USP32: variants seen among roughly 807,000 people sequenced by gnomAD.
USP32 encodes ubiquitin carboxyl-terminal hydrolase 32.
Under a neutral mutation model 204.8 loss-of-function variants are expected in USP32, and 59 were observed. The observed-to-expected ratio is 0.29, with a 90% CI of 0.23 to 0.36. The LOEUF is 0.36. Ranked by LOEUF, USP32 falls within the 10% of genes least tolerant of loss-of-function variation. The pLI is 1.00. For missense variants in USP32, 1,160 were observed against 1,946.4 expected (o/e 0.60, Z 7.60); for synonymous variants, 517 against 678.4 (o/e 0.76, Z 3.70).
At chr17:60,252,133 TTTATC>T (rs1909502323) in intron 11 of USP32, among the ~76,000 whole-genome samples, 1 of 152,116 alleles carries the variant, frequency 6.6e-6, no homozygotes, top group Admixed American at 6.5e-5. Context: ...CTGGCTACCT[TTTATC>T]TCATTTCAAA....
At chr17:60,350,130 A>C (rs1257834204) in intron 1 of USP32, among the ~76,000 whole-genome samples, 2 of 151,300 alleles carry the variant, frequency 1.3e-5, no homozygotes, top group African/African-American at 2.4e-5. Flanking sequence ...CTCCCACCTC[A>C]GCCTCCCAAG....
In USP32 at chr17:60,370,356, T is replaced by G. The variant is rs955747347; in HGVS notation, c.58+21526A>C. ...TTGACACCAATCCAAAAAAAACCAA[T>G]TAAAACAAGCTACCATTTTAGATTA... On this transcript the variant is annotated intron_variant, in intron 1 of 33. Transcript: ENST00000300896. 4.8e-4 allele frequency among the ~76,000 whole-genome samples: 73 copies of G among 151,992 alleles called. 1 individual carries two copies. Among genetic ancestry groups the G allele is most frequent in the Non-Finnish European group, 1.5e-4 (10 of 67,996 alleles).
At chr17:60,245,416 G>A (rs2085992417) in intron 11 of USP32, 3 of 390,474 alleles carry the variant, frequency 7.7e-6, no homozygotes, top group South Asian at 2.2e-5. Flanking sequence ...CTTGTTGCAC[G>A]TCAGCAGCAC....
At chr17:60,268,268 A>G (rs146485373) in intron 7 of USP32, among the ~76,000 whole-genome samples, 3 of 152,270 alleles carry the variant, frequency 2.0e-5, no homozygotes, top group African/African-American at 7.2e-5. Flanking sequence ...GACAACAATT[A>G]ACTTTAATGG....
At chr17:60,339,072 G>C (rs2088593163) in intron 2 of USP32, among the ~76,000 whole-genome samples, 1 of 151,636 alleles carries the variant, frequency 6.6e-6, no homozygotes, top group African/African-American at 2.4e-5. Flanking sequence ...ACCACGCCCA[G>C]CTAATTTTTG....
intron 18 of USP32, among the ~76,000 whole-genome samples, chr17:60,212,759 C>CTT (rs4047749): frequency 0.039 from 5,614 of 144,070 alleles, 395 homozygotes; most frequent in African/African-American, 0.13. Flanking sequence ...TAATTTATTC[C>CTT]TTTTTTTTTT....
chr17:60,264,198 C>G (rs1055089308), intron 9 of USP32, among the ~76,000 whole-genome samples: 1 of 151,910 alleles, frequency 6.6e-6, no homozygotes, highest in African/African-American at 2.4e-5. Flanking sequence ...CTAAAGGACA[C>G]AGGAGAGGTC....
chr17:60,370,632 T>C (rs2089418881), intron 1 of USP32, among the ~76,000 whole-genome samples: 1 of 151,638 alleles, frequency 6.6e-6, no homozygotes, highest in Non-Finnish European at 1.5e-5. Flanking sequence ...CTGGGCATGG[T>C]GGTGCCCACC....
chr17:60,413,876 G>GAAAAAAAAAAA (rs753405307), intron 1 of USP32, among the ~76,000 whole-genome samples: 7 of 95,100 alleles, frequency 7.4e-5, no homozygotes, highest in African/African-American at 7.7e-5. Flanking sequence ...AAAAAAAAAA[G>GAAAAAAAAAAA]AAAAAAAAAA....
intron 16 of USP32, among the ~76,000 whole-genome samples, chr17:60,215,508 G>A (rs1331024442): frequency 6.6e-6 from 1 of 151,684 alleles, no homozygotes; most frequent in Admixed American, 6.6e-5. Flanking sequence ...AAACTCAGTG[G>A]AGGAGGTAAA....
intron 24 of USP32, among the ~76,000 whole-genome samples, chr17:60,207,568 T>C (rs1298323134): frequency 2.0e-5 from 3 of 151,860 alleles, no homozygotes; most frequent in East Asian, 3.8e-4. Context: ...AGCTGGTATG[T>C]AGAAAGACAT....
intron 12 of USP32, among the ~76,000 whole-genome samples, chr17:60,232,818 A>ATAAT (rs1326433456): frequency 6.6e-6 from 1 of 150,758 alleles, no homozygotes; most frequent in Admixed American, 6.6e-5. Context: ...AAGTGCTGGG[A>ATAAT]TAATAGGCGT....
intron 5 of USP32, among the ~76,000 whole-genome samples, chr17:60,274,933 C>T (rs2145801355): frequency 6.6e-6 from 1 of 152,300 alleles, no homozygotes; most frequent in South Asian, 2.1e-4. Context: ...CCAAACCACA[C>T]CACCTTCAAA....
Position 60,185,563 on chromosome 17 carries a change from C to T in USP32, c.3731G>A (p.Ser1244Asn), listed in dbSNP as rs1259272889. 9.9e-6 allele frequency: 16 copies of T among 1,611,922 alleles called. No individual in the cohort carries two copies. The Admixed American group carries it at 1.3e-4, about 13-fold the overall frequency. ...NLDSCLRAFT[S>N]EEELGENEMY... ...CTCATTTTCCCCTAGCTCTTCCTCA[C>T]TGGTGAAAGCACGGAGACAGCTGTC... Residue 1244 changes from serine (S) to asparagine (N), a missense_variant, in exon 30 of 34, where the codon AGT (serine) becomes AAT (asparagine). This residue lies in a region of USP32 where 160 missense variants were observed against 322.5 expected (regional missense o/e 0.50). Coordinates refer to ENST00000300896, the MANE Select transcript of USP32 (RefSeq NM_032582.4).
At position 60,183,338 on chromosome 17, in the gene USP32, G is replaced by A. The variant is rs757940959; in HGVS notation, c.3950C>T (p.Pro1317Leu). The part of the protein sequence containing the change: ...DPSAFLVPRD[P>L]ALCQHKPLTP... ...GAGTGGTTTATGCTGGCAGAGAGCC[G>A]GGTCTCTTGGTACCAAAAAAGCACT... The change falls in exon 31 of 34, where the codon CCG becomes CTG. Residue 1317 changes from proline to leucine, a missense_variant. Physicochemically the swap from Pro to Leu is moderately conservative, Grantham distance 98. Transcript: ENST00000300896. The A allele has an allele frequency of 5.0e-6, 8 of 1,613,816 alleles. No homozygotes were observed. The highest frequency in any genetic ancestry group is 1.7e-5 in the Admixed American group (1 of 59,994).
chr17:60,195,872 T>G (rs1368097185), intron 27 of USP32, among the ~76,000 whole-genome samples: 2 of 152,210 alleles, frequency 1.3e-5, no homozygotes, highest in East Asian at 3.9e-4. Context: ...ATAGACTTCT[T>G]GAATTTAACT....
intron 5 of USP32, among the ~76,000 whole-genome samples, chr17:60,287,034 C>T (rs895154221): frequency 6.6e-6 from 1 of 152,122 alleles, no homozygotes; most frequent in South Asian, 2.1e-4. Context: ...CCTATAATCC[C>T]AGCTACTCAG....
intron 1 of USP32, among the ~76,000 whole-genome samples, chr17:60,365,475 C>T (rs1369705047): frequency 1.3e-5 from 2 of 151,626 alleles, no homozygotes; most frequent in African/African-American, 4.8e-5. Flanking sequence ...GAGCGAGACT[C>T]CATCTCAAAA....
At position 60,229,867 on chromosome 17, in the gene USP32, G is replaced by A. The variant is rs1034402404; in HGVS notation, c.1240-3636C>T. ...CTCGCTTTGTTGCCCAGGCTGGAGT[G>A]CAGTGGTGCAATGTTGGGTCACTGC... On this transcript the variant is annotated intron_variant, in intron 12 of 33. Transcript: ENST00000300896. 5.9e-5 allele frequency among the ~76,000 whole-genome samples: 9 copies of A among 151,880 alleles called. No individual in the cohort carries two copies. The East Asian group carries it at 7.7e-4, about 13-fold the overall frequency.
Sources: gnomAD v4.1 joint callset for allele counts (sites outside exome capture counted in the v4.1 genomes callset) on GRCh38, gnomAD v4.1.1 for gene constraint, gnomAD v4.1.1 regional missense constraint, MANE v1.5 for transcripts, NCBI Gene and HGNC (gene_info 2026-07-23, HGNC 2026-07-21) for gene names.